The following ZNF469 variants were observed in gnomAD, a reference collection of about 807,000 sequenced individuals.
The protein encoded by ZNF469 is zinc finger protein 469.
Under a neutral mutation model 1.0 loss-of-function variants are expected in ZNF469, and 1 was observed. The observed-to-expected ratio is 1.00, with a 90% CI of 0.35 to 4.73. The LOEUF is 4.73. Ranked by LOEUF, ZNF469 falls within the 30% of genes most tolerant of loss-of-function variation. The pLI is 0.16. For synonymous variants in ZNF469, 2,703 were observed against 2,363.4 expected (o/e 1.14, Z -4.17); for missense variants, 6,100 against 5,356.3 (o/e 1.14, Z -4.33).
chr16:88,238,418 A>G, the ZNF469 span, among the ~76,000 whole-genome samples: 1 of 152,266 alleles, frequency 6.6e-6, no homozygotes, highest in East Asian at 1.9e-4. Flanking sequence ...CCCTAGATAG[A>G]TAGACCCTAG....
intron 1 of ZNF469, among the ~76,000 whole-genome samples, chr16:88,391,442 C>T (rs796183968): frequency 2.0e-5 from 3 of 152,242 alleles, no homozygotes; most frequent in Admixed American, 1.3e-4. Flanking sequence ...TGGGGAACAG[C>T]GAATTCAGGG....
chr16:88,211,400 C>T, the ZNF469 span, among the ~76,000 whole-genome samples: 4 of 152,236 alleles, frequency 2.6e-5, no homozygotes, highest in African/African-American at 7.2e-5. Flanking sequence ...TGCTGGGTCA[C>T]GGACTCTTCA....
At chr16:88,253,961 CTT>C in the ZNF469 span, among the ~76,000 whole-genome samples, 4 of 150,340 alleles carry the variant, frequency 2.7e-5, no homozygotes, top group Non-Finnish European at 4.4e-5. Flanking sequence ...TAGTCTGTAG[CTT>C]TTTTTTTTCC....
chr16:88,218,726 C>T, the ZNF469 span, among the ~76,000 whole-genome samples: 2 of 151,816 alleles, frequency 1.3e-5, no homozygotes, highest in African/African-American at 4.8e-5. Context: ...GATGCCCTCT[C>T]TCACCACTCC....
At chr16:88,119,417 T>C in the ZNF469 span, among the ~76,000 whole-genome samples, 1 of 152,228 alleles carries the variant, frequency 6.6e-6, no homozygotes, top group Non-Finnish European at 1.5e-5. Flanking sequence ...CATTATTAAG[T>C]GACCCTGATG....
chr16:88,194,208 A>G, the ZNF469 span: 2 of 152,286 alleles, frequency 1.3e-5, no homozygotes, highest in Admixed American at 6.5e-5. Flanking sequence ...CAGCCTGCTC[A>G]GGCCACACGG....
the ZNF469 span, among the ~76,000 whole-genome samples, chr16:88,230,894 CGGG>C: frequency 1.0e-2 from 1,521 of 152,260 alleles, 22 homozygotes; most frequent in African/African-American, 0.034. Flanking sequence ...GCTCTCACAG[CGGG>C]AGCTGTCAGC....
At chr16:88,310,772 G>T in the ZNF469 span, among the ~76,000 whole-genome samples, 2 of 151,950 alleles carry the variant, frequency 1.3e-5, no homozygotes, top group African/African-American at 4.8e-5. Flanking sequence ...TAGAGACCGG[G>T]TTTCACCATT....
At chr16:88,131,546 A>C in the ZNF469 span, among the ~76,000 whole-genome samples, 1,087 of 143,620 alleles carry the variant, frequency 7.6e-3, no homozygotes, top group African/African-American at 0.028. Flanking sequence ...CCACCCCTTC[A>C]CCGGGTCTCT....
At chr16:88,397,335 G>T (rs1904714982) in intron 1 of ZNF469, among the ~76,000 whole-genome samples, 1 of 152,246 alleles carries the variant, frequency 6.6e-6, no homozygotes, top group South Asian at 2.1e-4. Context: ...CTGGGACAGG[G>T]TCAGTCCCAC....
chr16:88,254,688 G>A, the ZNF469 span, among the ~76,000 whole-genome samples: 44 of 152,302 alleles, frequency 2.9e-4, no homozygotes, highest in East Asian at 7.7e-3. Flanking sequence ...ATCCTGGGAG[G>A]CGGAGGTTGC....
chr16:88,120,777 G>A, the ZNF469 span, among the ~76,000 whole-genome samples: 1 of 152,196 alleles, frequency 6.6e-6, no homozygotes, highest in Non-Finnish European at 1.5e-5. Flanking sequence ...GGAGGACAGA[G>A]CTTGTCGACG....
chr16:88,166,614 GT>G, the ZNF469 span, among the ~76,000 whole-genome samples: 1 of 152,158 alleles, frequency 6.6e-6, no homozygotes, highest in East Asian at 1.9e-4. The surrounding 1 kb of genome is among the most constrained non-coding windows in gnomAD (Gnocchi z 4.5). Context: ...ATCAAAAATA[GT>G]TTTTTTAGTC....
Position 88,440,720 on chromosome 16 carries a change from T to C in ZNF469, c.*1388T>C, listed in dbSNP as rs1906937094. ...ACTGTAAACATCATAGTGACTTGTC[T>C]TTTCAAATATATTCCCACTATTTTC... On this transcript the variant is annotated 3_prime_UTR_variant, in exon 3 of 3. Coordinates refer to ENST00000565624, the MANE Select transcript of ZNF469 (RefSeq NM_001367624.2). The C allele has an allele frequency of 6.6e-6, 1 of 152,150 alleles. No homozygotes were observed. Among genetic ancestry groups the C allele is most frequent in the Admixed American group, 6.5e-5 (1 of 15,282 alleles). The allele number at this position is 152,150 out of a possible 1,614,324, so 9.4% of individuals were successfully genotyped here.
chr16:88,284,204 A>G, the ZNF469 span, among the ~76,000 whole-genome samples: 1 of 151,678 alleles, frequency 6.6e-6, no homozygotes, highest in African/African-American at 2.4e-5. Flanking sequence ...AGGCTGGTAG[A>G]CCCTGAGTGC....
At chr16:88,186,459 G>A in the ZNF469 span, among the ~76,000 whole-genome samples, 2 of 152,220 alleles carry the variant, frequency 1.3e-5, no homozygotes, top group African/African-American at 4.8e-5. Flanking sequence ...GGGAAGGTGA[G>A]CCAGGCTCCC....
chr16:88,236,594 C>T, the ZNF469 span, among the ~76,000 whole-genome samples: 8 of 152,324 alleles, frequency 5.3e-5, no homozygotes, highest in Non-Finnish European at 7.3e-5. Context: ...GGGCTGGGCG[C>T]GGTATCTCAC....
the ZNF469 span, among the ~76,000 whole-genome samples, chr16:88,359,139 A>G: frequency 6.6e-6 from 1 of 152,190 alleles, no homozygotes; most frequent in Non-Finnish European, 1.5e-5. Context: ...GCAGCACGTG[A>G]GTGTCCTGGG....
chr16:88,344,100 G>C, the ZNF469 span, among the ~76,000 whole-genome samples: 2 of 152,090 alleles, frequency 1.3e-5, no homozygotes, highest in Non-Finnish European at 2.9e-5. Context: ...AACAGGGAGA[G>C]ACTCTACAAA....
Sources: gnomAD v4.1 joint callset for allele counts (sites outside exome capture counted in the v4.1 genomes callset) on GRCh38, gnomAD v4.1.1 for gene constraint, Gnocchi (gnomAD v3.1) non-coding constraint, MANE v1.5 for transcripts, NCBI Gene and HGNC (gene_info 2026-07-23, HGNC 2026-07-21) for gene names.